The following SGCZ variants were observed in gnomAD, a reference collection of about 807,000 sequenced individuals.
The protein encoded by SGCZ is zeta-sarcoglycan.
SGCZ carries 40 observed loss-of-function variants against 41.3 expected under a neutral mutation model. The ratio of observed to expected loss-of-function variants is 0.97; its 90% CI spans 0.75 to 1.26. The LOEUF (loss-of-function observed/expected upper bound fraction) is 1.26, where lower values mean the gene tolerates loss of function less well. Among genes scored for constraint, SGCZ ranks in the 50% most tolerant of loss-of-function variants. The pLI, the probability that SGCZ is intolerant of heterozygous loss-of-function variation, is 0.00. For missense variants in SGCZ, 552 were observed against 369.8 expected, an observed-to-expected ratio of 1.49 and a Z score of -4.04; for synonymous variants, 206 against 137.5, an observed-to-expected ratio of 1.50 and a Z score of -3.49.
At chr8:14,645,249 T>G (rs2117440185) in intron 1 of SGCZ, among the ~76,000 whole-genome samples, 1 of 147,336 alleles carries the variant, frequency 6.8e-6, no homozygotes, top group South Asian at 2.1e-4. Context: ...TGACAACTTC[T>G]TCAATTTTTT....
intron 1 of SGCZ, among the ~76,000 whole-genome samples, chr8:14,645,478 T>TCATATATATATATATATATTTA (rs1807178145): frequency 9.4e-6 from 1 of 106,594 alleles, no homozygotes; most frequent in African/African-American, 2.9e-5. Context: ...ATATATATAT[T>TCATATATATATATATATATTTA]TATATGTATA....
intron 1 of SGCZ, among the ~76,000 whole-genome samples, chr8:15,172,160 T>TTTTTATTTGTTTA (rs754523188): frequency 9.5e-6 from 1 of 104,994 alleles, no homozygotes; most frequent in Non-Finnish European, 2.0e-5. Flanking sequence ...CTCTGTTTTT[T>TTTTTATTTGTTTA]TTTTTTTTTT....
intron 2 of SGCZ, among the ~76,000 whole-genome samples, chr8:14,506,837 T>C (rs770015551): frequency 1.4e-4 from 21 of 152,188 alleles, no homozygotes; most frequent in Non-Finnish European, 2.2e-4. Flanking sequence ...CCACATTCTC[T>C]TAGATTTCCT....
intron 1 of SGCZ, among the ~76,000 whole-genome samples, chr8:15,040,617 A>G (rs1468532333): frequency 6.6e-6 from 1 of 152,156 alleles, no homozygotes; most frequent in Non-Finnish European, 1.5e-5. Context: ...GCAAAACTCT[A>G]TCTCAAAACA....
At chr8:14,317,584 A>G (rs936447781) in intron 3 of SGCZ, among the ~76,000 whole-genome samples, 9 of 152,040 alleles carry the variant, frequency 5.9e-5, no homozygotes, top group African/African-American at 1.7e-4. Flanking sequence ...AAACTTAGAC[A>G]ATAAAAACAT....
At chr8:14,632,708 A>T (rs1407563795) in intron 1 of SGCZ, among the ~76,000 whole-genome samples, 1 of 152,048 alleles carries the variant, frequency 6.6e-6, no homozygotes, top group Non-Finnish European at 1.5e-5. Flanking sequence ...AAATCAGGAG[A>T]TTAGTCCAAG....
Position 14,548,139 on chromosome 8 carries a change from C to T in SGCZ, c.234+6593G>A, listed in dbSNP as rs565711714. Among the ~76,000 whole-genome samples, 8 of 152,248 alleles carry T rather than the reference C, an allele frequency of 5.3e-5. No individual in the cohort carries two copies. In the East Asian group the frequency reaches 7.7e-4, roughly 15 times the overall value. On this transcript the variant is annotated intron_variant, in intron 2 of 7. Transcript: ENST00000382080. ...TACATCAGCCTGATGAAATAGATCA[C>T]ACCCACTCTACAGAGGAAGAAACAG...
In SGCZ at chr8:15,047,920, G is replaced by A. The variant is rs149289815; in HGVS notation, c.39+189665C>T. 8.9e-4 allele frequency among the ~76,000 whole-genome samples: 136 copies of A among 152,066 alleles called. 1 individual carries two copies. Among genetic ancestry groups the A allele is most frequent in the African/African-American group, 3.2e-3 (131 of 41,530 alleles). ...ACTAGCACAGCCTCTATGGAAAACC[G>A]TATGGAGGTTTCTCAGACAATTAAA... On this transcript the variant is annotated intron_variant, in intron 1 of 7. Transcript: ENST00000382080.
chr8:14,677,281 A>G (rs991500931), intron 1 of SGCZ, among the ~76,000 whole-genome samples: 2 of 152,046 alleles, frequency 1.3e-5, no homozygotes, highest in African/African-American at 2.4e-5. Flanking sequence ...AGAAAATTAT[A>G]AGACTCTGAT....
intron 2 of SGCZ, among the ~76,000 whole-genome samples, chr8:14,347,671 T>C (rs1234575762): frequency 6.6e-6 from 1 of 151,744 alleles, no homozygotes; most frequent in Non-Finnish European, 1.5e-5. Flanking sequence ...TTAAATAAAA[T>C]TATTTTCATC....
chr8:14,591,410 T>C (rs2117285519), intron 1 of SGCZ, among the ~76,000 whole-genome samples: 1 of 152,182 alleles, frequency 6.6e-6, no homozygotes, highest in Admixed American at 6.5e-5. Context: ...CTAGAGCTCG[T>C]GCATTTCCTA....
intron 5 of SGCZ, among the ~76,000 whole-genome samples, chr8:14,109,620 A>C (rs1802314545): frequency 6.6e-6 from 1 of 152,196 alleles, no homozygotes; most frequent in African/African-American, 2.4e-5. Context: ...ATCATGTAAA[A>C]TATATTAATT....
intron 1 of SGCZ, among the ~76,000 whole-genome samples, chr8:14,979,484 T>G (rs1801591377): frequency 6.6e-6 from 1 of 152,244 alleles, no homozygotes; most frequent in African/African-American, 2.4e-5. Context: ...TTTTAATGGA[T>G]ATGCCTTATT....
chr8:14,962,949 G>C (rs758567074), intron 1 of SGCZ, among the ~76,000 whole-genome samples: 6 of 152,270 alleles, frequency 3.9e-5, no homozygotes, highest in South Asian at 4.2e-4. Context: ...CCCTGTTCTA[G>C]TAAAAAGTAG....
Position 14,601,983 on chromosome 8 carries a change from G to A in SGCZ, c.40-47057C>T, listed in dbSNP as rs927499302. 3.3e-5 allele frequency among the ~76,000 whole-genome samples: 5 copies of A among 152,038 alleles called. No individual in the cohort carries two copies. In the South Asian group the frequency reaches 6.2e-4, roughly 19 times the overall value. On this transcript the variant is annotated intron_variant, in intron 1 of 7. Coordinates refer to ENST00000382080, the MANE Select transcript of SGCZ (RefSeq NM_139167.4). ...AAAACACAAAAAATTAGCCGGGCCT[G>A]GTGGCGGGCGCCTGTAGTCCCAGCT...
chr8:14,399,537 A>G (rs1467880216), intron 2 of SGCZ, among the ~76,000 whole-genome samples: 1 of 152,054 alleles, frequency 6.6e-6, no homozygotes, highest in Non-Finnish European at 1.5e-5. Flanking sequence ...AAAAAGTCCC[A>G]GTCTTTCTTC....
intron 1 of SGCZ, among the ~76,000 whole-genome samples, chr8:14,643,200 A>C (rs537078922): frequency 1.2e-4 from 18 of 151,754 alleles, no homozygotes; most frequent in African/African-American, 4.1e-4. Context: ...GATTGGCATC[A>C]CTGAACATAG....
chr8:14,569,284 ATTC>A (rs1289776172), intron 1 of SGCZ, among the ~76,000 whole-genome samples: 1 of 152,160 alleles, frequency 6.6e-6, no homozygotes, highest in African/African-American at 2.4e-5. Context: ...TAGATCTTAT[ATTC>A]TTCTTCAGAG....
intron 1 of SGCZ, among the ~76,000 whole-genome samples, chr8:14,968,969 A>G (rs963583662): frequency 6.6e-6 from 1 of 152,084 alleles, no homozygotes; most frequent in Non-Finnish European, 1.5e-5. Flanking sequence ...GTAAAAAAGC[A>G]TTTTCTTTAC....
Sources: gnomAD v4.1 joint callset for allele counts (sites outside exome capture counted in the v4.1 genomes callset) on GRCh38, gnomAD v4.1.1 for gene constraint, MANE v1.5 for transcripts, NCBI Gene and HGNC (gene_info 2026-07-23, HGNC 2026-07-21) for gene names.